The following PTPRD variants were observed in gnomAD, a reference collection of about 807,000 sequenced individuals.
The protein encoded by PTPRD is protein tyrosine phosphatase receptor type D, also known as receptor-type tyrosine-protein phosphatase delta.
In PTPRD, 34 loss-of-function variants were observed where a neutral mutation model predicts 214.5. That is an observed-to-expected ratio of 0.16 (90% CI 0.12 to 0.21). The LOEUF is 0.21. Ranked by LOEUF, PTPRD falls within the 10% of genes least tolerant of loss-of-function variation. The pLI is 1.00. For missense variants in PTPRD, 2,545 were observed against 2,398.7 expected (o/e 1.06, Z -1.27); for synonymous variants, 1,128 against 845.7 (o/e 1.33, Z -5.79).
chr9:8,437,242 G>A (rs1401305292), intron 34 of PTPRD: 52 of 1,518,824 alleles, frequency 3.4e-5, no homozygotes, highest in Non-Finnish European at 4.1e-5. Context: ...ATCTGAACCT[G>A]CAAAGGAAAT....
intron 44 of PTPRD, among the ~76,000 whole-genome samples, chr9:8,327,372 A>G (rs1275352076): frequency 6.6e-6 from 1 of 151,382 alleles, no homozygotes; most frequent in African/African-American, 2.4e-5. Context: ...CTTGAGTTCT[A>G]ATTTGATTGC....
At chr9:9,541,821 G>A (rs542693463) in intron 8 of PTPRD, among the ~76,000 whole-genome samples, 1 of 151,908 alleles carries the variant, frequency 6.6e-6, no homozygotes, top group Non-Finnish European at 1.5e-5. Context: ...GGCAGGAATG[G>A]TGAGGTAATA....
At chr9:10,551,893 A>G (rs1274322608) in intron 2 of PTPRD, among the ~76,000 whole-genome samples, 3 of 152,132 alleles carry the variant, frequency 2.0e-5, no homozygotes, top group Admixed American at 6.5e-5. Context: ...GCTGTCTTTC[A>G]TTTCTACCAT....
intron 5 of PTPRD, among the ~76,000 whole-genome samples, chr9:9,909,511 T>G (rs571210119): frequency 6.6e-6 from 1 of 152,064 alleles, no homozygotes; most frequent in Admixed American, 6.6e-5. Context: ...AACCCCTCCA[T>G]TCTAAATGCA....
At chr9:9,468,723 C>T (rs947356372) in intron 8 of PTPRD, among the ~76,000 whole-genome samples, 1 of 151,888 alleles carries the variant, frequency 6.6e-6, no homozygotes, top group Non-Finnish European at 1.5e-5. Flanking sequence ...GTTAGAAATG[C>T]ATATTGTAAT....
intron 3 of PTPRD, among the ~76,000 whole-genome samples, chr9:10,103,010 G>A (rs72694855): frequency 0.16 from 24,542 of 151,428 alleles, 2,519 homozygotes; most frequent in South Asian, 0.32. Context: ...AAGAATAAGA[G>A]TAGGACTTAA....
intron 11 of PTPRD, among the ~76,000 whole-genome samples, chr9:8,747,040 C>G (rs555040643): frequency 1.7e-3 from 252 of 152,254 alleles, no homozygotes; most frequent in Non-Finnish European, 2.1e-3. Flanking sequence ...GGTGCAGGAT[C>G]AAGCCCCAAA....
Position 9,828,440 on chromosome 9 carries a change from G to A in PTPRD, c.-367-61589C>T, listed in dbSNP as rs552207075. 4.6e-5 allele frequency among the ~76,000 whole-genome samples: 7 copies of A among 152,236 alleles called. No individual in the cohort carries two copies. The South Asian group carries it at 1.5e-3, about 32-fold the overall frequency. On this transcript the variant is annotated intron_variant, in intron 5 of 45. Coordinates refer to ENST00000381196, the MANE Select transcript of PTPRD (RefSeq NM_002839.4). ...ACTGCATGTTCTCACTCATAGGTGG[G>A]AATTGAACAATGAGAACACATGGAC...
chr9:10,197,566 T>C (rs959993738), intron 3 of PTPRD, among the ~76,000 whole-genome samples: 1 of 152,160 alleles, frequency 6.6e-6, no homozygotes, highest in African/African-American at 2.4e-5. Flanking sequence ...AGAGGTACGT[T>C]TTGACTGTCT....
chr9:10,394,115 T>C (rs1272955389), intron 2 of PTPRD, among the ~76,000 whole-genome samples: 1 of 145,640 alleles, frequency 6.9e-6, no homozygotes, highest in Non-Finnish European at 1.5e-5. Context: ...TATATGGAGA[T>C]ATATATACAT....
At chr9:9,417,086 G>T (rs1482159557) in intron 8 of PTPRD, among the ~76,000 whole-genome samples, 3 of 152,058 alleles carry the variant, frequency 2.0e-5, no homozygotes, top group Non-Finnish European at 4.4e-5. Context: ...CAATTTCGGG[G>T]TTAATGAAGC....
chr9:9,827,818 AC>A (rs2053465224), intron 5 of PTPRD, among the ~76,000 whole-genome samples: 1 of 152,276 alleles, frequency 6.6e-6, no homozygotes, highest in South Asian at 2.1e-4. Context: ...CAAGAAAAAA[AC>A]AACCCCATCA....
chr9:10,558,323 T>C (rs1378355618), intron 2 of PTPRD, among the ~76,000 whole-genome samples: 1 of 152,162 alleles, frequency 6.6e-6, no homozygotes, highest in Admixed American at 6.6e-5. Context: ...GGATATTAAT[T>C]ATAAGTAGAT....
intron 12 of PTPRD, among the ~76,000 whole-genome samples, chr9:8,651,990 T>G (rs1429238403): frequency 6.6e-6 from 1 of 152,218 alleles, no homozygotes; most frequent in East Asian, 1.9e-4. Flanking sequence ...GTGCCGATTA[T>G]GCACGCTTTT....
chr9:10,179,290 G>A (rs535732270), intron 3 of PTPRD, among the ~76,000 whole-genome samples: 7 of 151,872 alleles, frequency 4.6e-5, no homozygotes, highest in Admixed American at 1.3e-4. Flanking sequence ...AGATGTATCT[G>A]GTATAAAAAG....
intron 10 of PTPRD, among the ~76,000 whole-genome samples, chr9:9,152,176 C>T (rs2099877390): frequency 2.0e-5 from 3 of 152,296 alleles, no homozygotes; most frequent in African/African-American, 7.2e-5. Flanking sequence ...CTAATACTAA[C>T]TAGCTCCATG....
intron 4 of PTPRD, among the ~76,000 whole-genome samples, chr9:9,971,416 G>C (rs1413531975): frequency 6.6e-6 from 1 of 152,064 alleles, no homozygotes; most frequent in African/African-American, 2.4e-5. Context: ...GAAGGTAGAA[G>C]ATTATTTTAA....
At chr9:9,221,545 C>T (rs1056755355) in intron 9 of PTPRD, among the ~76,000 whole-genome samples, 17 of 152,058 alleles carry the variant, frequency 1.1e-4, no homozygotes, top group African/African-American at 3.9e-4. Flanking sequence ...GGCTCTCTTT[C>T]TGGCTCGCAG....
chr9:8,963,373 T>A (rs2099168745), intron 11 of PTPRD, among the ~76,000 whole-genome samples: 1 of 152,136 alleles, frequency 6.6e-6, no homozygotes, highest in Non-Finnish European at 1.5e-5. Flanking sequence ...AATACGGGTG[T>A]TCACATAGAG....
Sources: gnomAD v4.1 joint callset for allele counts (sites outside exome capture counted in the v4.1 genomes callset) on GRCh38, gnomAD v4.1.1 for gene constraint, MANE v1.5 for transcripts, NCBI Gene and HGNC (gene_info 2026-07-23, HGNC 2026-07-21) for gene names.